Variants in KLHL31 observed in about 807,000 individuals in gnomAD.
The protein encoded by KLHL31 is kelch-like protein 31.
In KLHL31, 32 loss-of-function variants were observed where a neutral mutation model predicts 47.1. The observed-to-expected ratio is 0.68, with a 90% CI of 0.51 to 0.91. The LOEUF (loss-of-function observed/expected upper bound fraction) is 0.91. KLHL31 is among the 40% of genes least tolerant of loss of function. The pLI is 0.00. For synonymous variants in KLHL31, 330 were observed against 325.1 expected, an observed-to-expected ratio of 1.01 and a Z score of -0.16; for missense variants, 797 against 819.3, an observed-to-expected ratio of 0.97 and a Z score of 0.33.
intron 2 of KLHL31, 52 bp from the exon 3 acceptor site, chr6:53,652,382 C>G: frequency 6.2e-7 from 1 of 1,603,392 alleles, no homozygotes; most frequent in Non-Finnish European, 8.5e-7. Flanking sequence ...GCTGGGGACC[C>G]CATGTTACTT....
intron 1 of KLHL31, among the ~76,000 whole-genome samples, chr6:53,661,727 G>C (rs1331594747): frequency 6.6e-6 from 1 of 152,160 alleles, no homozygotes; most frequent in Non-Finnish European, 1.5e-5. Flanking sequence ...AACTCTCACT[G>C]TTTTATTCTA....
rs765211349 is a variant in KLHL31 at position 53,654,780 on chromosome 6, G to T, written c.493C>A (p.Arg165=). The change falls in exon 2 of 3, where the codon CGG becomes AGG. Residue 165 remains arginine (R), a synonymous_variant. Coordinates refer to ENST00000370905, the MANE Select transcript of KLHL31 (RefSeq NM_001003760.5). ...LVKMCSDFLI[R]EMSVENCMYV... is the part of the protein sequence containing the mutation. Reference sequence around the variant, plus strand: ...ATGCAATTCTCAACACTCATCTCCCGTATCAGAAAATCACTGCACATCTTT... The same window carrying T: ...ATGCAATTCTCAACACTCATCTCCCTTATCAGAAAATCACTGCACATCTTT... 3 of 1,613,996 alleles carry T rather than the reference G, an allele frequency of 1.9e-6. No individual in the cohort carries two copies. Among genetic ancestry groups the T allele is most frequent in the Admixed American group, 1.7e-5 (1 of 60,010 alleles).
chr6:53,661,259 A>T (rs936233030), intron 1 of KLHL31, among the ~76,000 whole-genome samples: 1 of 152,228 alleles, frequency 6.6e-6, no homozygotes, highest in African/African-American at 2.4e-5. Context: ...TACAGAAAAG[A>T]CTAGCTCCCT....
rs1166104661 is a variant in KLHL31 at position 53,652,001 on chromosome 6, G to A, written c.1502C>T (p.Thr501Ile). The A allele has an allele frequency of 1.9e-6, 3 of 1,592,870 alleles. No homozygotes were observed. Among genetic ancestry groups the A allele is most frequent in the Non-Finnish European group, 2.6e-6 (3 of 1,175,566 alleles). ...GACCGCGCAGTGCCAGCCCCGGGGT[G>A]TGCTGAGGTTCGGCAGCTCCTGCCA... Reference protein sequence around the residue: ...DSWQELPNLSTPRGWHCAVTL... With the variant: ...DSWQELPNLSIPRGWHCAVTL... Residue 501 changes from threonine to isoleucine, a missense_variant, in exon 3 of 3, where the codon ACA (threonine) becomes ATA (isoleucine). By Grantham distance (89) the Thr-to-Ile change is moderately conservative (BLOSUM62 -1). Transcript: ENST00000370905.
chr6:53,661,200 C>T (rs927258098), intron 1 of KLHL31, among the ~76,000 whole-genome samples: 1 of 152,174 alleles, frequency 6.6e-6, no homozygotes, highest in South Asian at 2.1e-4. Context: ...TAAGGAGAAC[C>T]GTAGTCTAGT....
At chr6:53,662,969 C>G (rs1258963437) in intron 1 of KLHL31, among the ~76,000 whole-genome samples, 1 of 150,626 alleles carries the variant, frequency 6.6e-6, no homozygotes, top group Admixed American at 6.6e-5. Context: ...GTGCTGGGCC[C>G]TGGGTTAAGC....
chr6:53,657,375 T>C (rs923083915), intron 1 of KLHL31, among the ~76,000 whole-genome samples: 2 of 152,212 alleles, frequency 1.3e-5, no homozygotes, highest in Admixed American at 6.5e-5. Context: ...AGCTCCAACA[T>C]AACACTATAG....
At position 53,651,739 on chromosome 6, in the gene KLHL31, G is replaced by A. The variant is rs1355576429; in HGVS notation, c.1764C>T (p.Ser588=). Residue 588 remains serine, a synonymous_variant, in exon 3 of 3, where the codon AGC becomes AGT. Transcript: ENST00000370905. ...KKYKKCIQCF[S]PELNEWTEDD... ...CCTCCGTCCACTCGTTGAGCTCGGG[G>A]CTGAAGCACTGGATGCACTTCTTGT... 2 of 1,614,180 alleles carry A rather than the reference G, an allele frequency of 1.2e-6. No individual in the cohort carries two copies. Among genetic ancestry groups the A allele is most frequent in the African/African-American group, 2.7e-5 (2 of 75,060 alleles).
At chr6:53,664,709 C>T (rs1312602446) in intron 1 of KLHL31, among the ~76,000 whole-genome samples, 2 of 152,204 alleles carry the variant, frequency 1.3e-5, no homozygotes, top group Admixed American at 1.3e-4. Flanking sequence ...ACTGGAAAGC[C>T]ATGTGTGCTA....
intron 1 of KLHL31, among the ~76,000 whole-genome samples, chr6:53,661,676 CA>C (rs1764647861): frequency 1.3e-5 from 2 of 152,132 alleles, no homozygotes; most frequent in Non-Finnish European, 2.9e-5. Flanking sequence ...ATCCAGTAAC[CA>C]GGTCACATAT....
chr6:53,654,883 A>AGT lies in KLHL31; in HGVS notation c.388_389dup (p.Gly131LeufsTer11). ...TATACAAGGAGAGAGTGAGCTTTCC[A>AGT]GTGTAGGCATATGCAATGACAGTGG... On this transcript the variant is annotated frameshift_variant, in exon 2 of 3. Coordinates refer to ENST00000370905, the MANE Select transcript of KLHL31 (RefSeq NM_001003760.5). LOFTEE classifies it high-confidence loss of function. 1 of 1,614,188 alleles carries AGT rather than the reference A, an allele frequency of 6.2e-7. No homozygotes were observed. The highest frequency in any genetic ancestry group is 8.5e-7 in the Non-Finnish European group (1 of 1,180,004).
Position 53,655,032 on chromosome 6 carries a change from T to G in KLHL31, c.241A>C (p.Thr81Pro), listed in dbSNP as rs1162583198. 1.9e-6 allele frequency: 3 copies of G among 1,614,142 alleles called. No individual in the cohort carries two copies. Among genetic ancestry groups the G allele is most frequent in the Non-Finnish European group, 2.5e-6 (3 of 1,180,010 alleles). Residue 81 changes from threonine (T) to proline (P), a missense_variant, in exon 2 of 3, where the codon ACC becomes CCC. Coordinates refer to ENST00000370905, the MANE Select transcript of KLHL31 (RefSeq NM_001003760.5). ...GACTTATGAACATCAAAGGATTTGG[T>G]TTTGGTACCAATGACTAAGTCACAT... ...FLCDLVIGTK[T>P]KSFDVHKSVM...
chr6:53,652,357 G>C lies in KLHL31; in HGVS notation c.1173-27C>G, dbSNP rs199595746. On this transcript the variant is annotated intron_variant, in intron 2 of 2. Transcript: ENST00000370905. Reference sequence around the variant, plus strand: ...TGGAAATGATAGAGAAGGTGTAACAGCTTTGTCGGCGGCAGCTGGGGACCC... The same window carrying C: ...TGGAAATGATAGAGAAGGTGTAACACCTTTGTCGGCGGCAGCTGGGGACCC... 3.7e-6 allele frequency: 6 copies of C among 1,611,036 alleles called. No individual in the cohort carries two copies. The African/African-American group carries it at 8.0e-5, about 21-fold the overall frequency.
In KLHL31 at chr6:53,651,757, C is replaced by A; in HGVS notation, c.1746G>T (p.Lys582Asn). The change falls in exon 3 of 3, where the codon AAG becomes AAT. Residue 582 changes from lysine (K) to asparagine (N), a missense_variant. By Grantham distance (94) the Lys-to-Asn change is moderately conservative. Transcript: ENST00000370905. Reference sequence around the variant, plus strand: ...GCTCGGGGCTGAAGCACTGGATGCACTTCTTGTACTTCTTCTCGCCCTCGT... The same window carrying A: ...GCTCGGGGCTGAAGCACTGGATGCAATTCTTGTACTTCTTCTCGCCCTCGT... ...GWNEGEKKYK[K>N]CIQCFSPELN... 1 of 1,614,076 alleles carries A rather than the reference C, an allele frequency of 6.2e-7. No homozygotes were observed. The highest frequency in any genetic ancestry group is 1.7e-5 in the Admixed American group (1 of 60,026).
intron 1 of KLHL31, among the ~76,000 whole-genome samples, chr6:53,663,577 C>T (rs75728990): frequency 0.053 from 8,082 of 152,200 alleles, 286 homozygotes; most frequent in East Asian, 0.091. Flanking sequence ...TACTTTCAAT[C>T]TCATATGGTT....
In KLHL31 at chr6:53,651,777, C is replaced by G. The variant is rs771149810; in HGVS notation, c.1726G>C (p.Gly576Arg). Residue 576 changes from glycine (G) to arginine (R), a missense_variant, in exon 3 of 3, where the codon GGC becomes CGC. Coordinates refer to ENST00000370905, the MANE Select transcript of KLHL31 (RefSeq NM_001003760.5). ...ATGCACTTCTTGTACTTCTTCTCGC[C>G]CTCGTTCCAGCCCCCCACCAGGTAG... is the stretch of plus-strand genomic sequence containing the variant. ...RAYLVGGWNE[G>R]EKKYKKCIQC... is the part of the protein sequence containing the mutation. The G allele has an allele frequency of 2.5e-6, 4 of 1,613,788 alleles. No homozygotes were observed. The highest frequency in any genetic ancestry group is 3.3e-5 in the Admixed American group (2 of 60,010).
Position 53,649,539 on chromosome 6 carries a change from C to A in KLHL31, c.*2059G>T, listed in dbSNP as rs1405943879. 6.6e-6 allele frequency: 1 copy of A among 152,090 alleles called. No individual in the cohort carries two copies. Among genetic ancestry groups the A allele is most frequent in the Admixed American group, 6.5e-5 (1 of 15,272 alleles). The allele number at this position is 152,090 out of a possible 1,614,324, so 9.4% of individuals were successfully genotyped here. A position where few individuals can be genotyped will look rare whatever the true frequency, so the allele number is the denominator to read the frequency against. On this transcript the variant is annotated 3_prime_UTR_variant, in exon 3 of 3. Coordinates refer to ENST00000370905, the MANE Select transcript of KLHL31 (RefSeq NM_001003760.5). ...TATCAAGCTTTGATAGATGAAAAAT[C>A]CTCTAGTTTCAGTATCTCTTCTCAT... is the stretch of plus-strand genomic sequence containing the variant.
chr6:53,664,116 T>A (rs1196990600), intron 1 of KLHL31, among the ~76,000 whole-genome samples: 1 of 152,220 alleles, frequency 6.6e-6, no homozygotes, highest in African/African-American at 2.4e-5. Flanking sequence ...AAGGTTTCTT[T>A]ACATGGGATC....
intron 1 of KLHL31, among the ~76,000 whole-genome samples, chr6:53,659,295 T>G (rs1028364165): frequency 6.6e-6 from 1 of 152,162 alleles, no homozygotes; most frequent in African/African-American, 2.4e-5. Flanking sequence ...ATGAGATTTT[T>G]AAAAAACACC....
Sources: gnomAD v4.1 joint callset for allele counts (sites outside exome capture counted in the v4.1 genomes callset) on GRCh38, gnomAD v4.1.1 for gene constraint, MANE v1.5 for transcripts, NCBI Gene and HGNC (gene_info 2026-07-23, HGNC 2026-07-21) for gene names.